Variants in NCKAP1 observed in about 807,000 individuals in gnomAD.
NCKAP1 encodes nck-associated protein 1.
NCKAP1 carries 21 observed loss-of-function variants against 151.2 expected under a neutral mutation model. The observed-to-expected ratio is 0.14, with a 90% CI of 0.10 to 0.20. The LOEUF (loss-of-function observed/expected upper bound fraction) is 0.20, where lower values mean the gene tolerates loss of function less well. NCKAP1 is among the 10% of genes least tolerant of loss of function. The pLI is 1.00. For missense variants in NCKAP1, 933 were observed against 1,352.1 expected (o/e 0.69, Z 4.86); for synonymous variants, 484 against 451.8 (o/e 1.07, Z -0.90).
chr2:183,014,143 T>C (rs1698640015), intron 2 of NCKAP1, among the ~76,000 whole-genome samples: 2 of 152,232 alleles, frequency 1.3e-5, no homozygotes, highest in African/African-American at 2.4e-5. Flanking sequence ...CAGAGACTTC[T>C]GTTTGTTCAC....
chr2:182,930,617 G>T, intron 27 of NCKAP1, 78 bp downstream of exon 27: 1 of 1,096,460 alleles, frequency 9.1e-7, no homozygotes. Context: ...TTGAATATAT[G>T]GTTAAATATC....
chr2:182,937,091 G>A (rs929434978), intron 24 of NCKAP1, among the ~76,000 whole-genome samples: 4 of 113,604 alleles, frequency 3.5e-5, no homozygotes, highest in African/African-American at 1.4e-4. Flanking sequence ...CTCGAGCCTA[G>A]GCAACAGAGC....
At position 182,948,099 on chromosome 2, in the gene NCKAP1, A is replaced by C. The variant is rs1278179947; in HGVS notation, c.2601+4306T>G. ...CCTTGTTTTGAAGAACTAAATGATG[A>C]AGGCACAATATTAAAAATATAAATA... On this transcript the variant is annotated intron_variant, in intron 23 of 30. Transcript: ENST00000361354. Among the ~76,000 whole-genome samples, 4 of 152,124 alleles carry C rather than the reference A, an allele frequency of 2.6e-5. No homozygotes were observed. The East Asian group carries it at 7.7e-4, about 29-fold the overall frequency.
intron 26 of NCKAP1, 101 bp from the exon 27 acceptor site, chr2:182,930,889 T>TCGGAAACTTGGCTGAAG: frequency 1.0e-6 from 1 of 1,001,046 alleles, no homozygotes; most frequent in South Asian, 1.5e-5. Context: ...CCAGAGAATT[T>TCGGAAACTTGGCTGAAG]CGGAAACTTG....
At chr2:182,992,934 T>G (rs1328425414) in intron 8 of NCKAP1, among the ~76,000 whole-genome samples, 1 of 152,184 alleles carries the variant, frequency 6.6e-6, no homozygotes, top group Non-Finnish European at 1.5e-5. Flanking sequence ...TTTCTGGTAA[T>G]TCTAGTAATT....
chr2:182,932,663 TG>T (rs951723198), intron 26 of NCKAP1, among the ~76,000 whole-genome samples: 8 of 151,864 alleles, frequency 5.3e-5, no homozygotes, highest in East Asian at 1.9e-4. Context: ...TGTTTTTTGT[TG>T]TTTTTTTTTT....
chr2:182,967,399 C>T, intron 15 of NCKAP1, 38 bp from the exon 16 acceptor site: 1 of 1,542,622 alleles, frequency 6.5e-7, no homozygotes, highest in South Asian at 1.2e-5. Context: ...TTCAGGTAAA[C>T]ATAAATGACT....
In NCKAP1 at chr2:182,995,853, A is replaced by G; in HGVS notation, c.604-15T>C. 6.3e-7 allele frequency: 1 copy of G among 1,588,966 alleles called. No individual in the cohort carries two copies. The highest frequency in any genetic ancestry group is 8.6e-7 in the Non-Finnish European group (1 of 1,158,730). On this transcript the variant is annotated splice_polypyrimidine_tract_variant and intron_variant, in intron 6 of 30. Transcript: ENST00000361354. ...TCTGAAAGAGACTAATTAAAATACGAAAAAAAAGCTGAAGAATAATTTTCT... is the reference window on the plus strand; with the variant it reads ...TCTGAAAGAGACTAATTAAAATACGGAAAAAAAGCTGAAGAATAATTTTCT...
intron 2 of NCKAP1, among the ~76,000 whole-genome samples, chr2:183,022,172 C>G (rs921237808): frequency 6.6e-6 from 1 of 152,082 alleles, no homozygotes; most frequent in Non-Finnish European, 1.5e-5. Flanking sequence ...TATTAAGGAA[C>G]GATGCATATT....
intron 20 of NCKAP1, among the ~76,000 whole-genome samples, chr2:182,954,351 C>T (rs1697280692): frequency 6.6e-6 from 1 of 152,172 alleles, no homozygotes. Context: ...TCTTATCCTA[C>T]ACTGACCACC....
chr2:183,027,681 C>T lies in NCKAP1; in HGVS notation c.109-3765G>A, dbSNP rs1343841610. ...ACCGGCCTGGGCAACATAGCAAGAT[C>T]CTATCTCTACAAAAAAATTTTTAAA... On this transcript the variant is annotated intron_variant, in intron 1 of 30. Transcript: ENST00000361354. Among the ~76,000 whole-genome samples the T allele has an allele frequency of 2.6e-5, 4 of 152,088 alleles. No individual in the cohort carries two copies. In the East Asian group the frequency reaches 7.7e-4, roughly 29 times the overall value.
intron 2 of NCKAP1, among the ~76,000 whole-genome samples, chr2:183,012,197 CAAT>C (rs1245302872): frequency 6.6e-6 from 1 of 151,362 alleles, no homozygotes; most frequent in African/African-American, 2.4e-5. Flanking sequence ...AAAAGGGTAA[CAAT>C]AAAAACAAAA....
Position 182,964,664 on chromosome 2 carries a change from C to A in NCKAP1, c.1761+12G>T. On this transcript the variant is annotated intron_variant, in intron 17 of 30. Transcript: ENST00000361354. ...GCATACCATATAACTCACAGTAGTA[C>A]ACTATAATTACCTCTTCTGGACATA... is the stretch of plus-strand genomic sequence containing the variant. 6.3e-7 allele frequency: 1 copy of A among 1,579,418 alleles called. No homozygotes were observed. The highest frequency in any genetic ancestry group is 8.6e-7 in the Non-Finnish European group (1 of 1,164,214).
intron 29 of NCKAP1, 42 bp from the exon 30 acceptor site, chr2:182,926,947 A>T: frequency 7.5e-7 from 1 of 1,341,390 alleles, no homozygotes; most frequent in Non-Finnish European, 1.1e-6. Context: ...TGTTAATAAA[A>T]GGTTCATCGG....
rs1159377005 is a variant in NCKAP1, at chr2:182,923,802, A to G, written c.*1900T>C. 6.6e-6 allele frequency: 1 copy of G among 152,204 alleles called. No homozygotes were observed. The highest frequency in any genetic ancestry group is 1.5e-5 in the Non-Finnish European group (1 of 68,036). The allele number at this position is 152,204 out of a possible 1,614,324, so 9.4% of individuals were successfully genotyped here. On this transcript the variant is annotated 3_prime_UTR_variant, in exon 31 of 31. Transcript: ENST00000361354. Reference sequence around the variant, plus strand: ...CAATTTACTTTTAACTTTTTCCTCCAAGTTACCTTTGCCACGCCTCCTCCC... The same window carrying G: ...CAATTTACTTTTAACTTTTTCCTCCGAGTTACCTTTGCCACGCCTCCTCCC...
intron 16 of NCKAP1, 89 bp downstream of exon 16, chr2:182,967,127 T>C (rs920488977): frequency 2.4e-6 from 3 of 1,247,736 alleles, no homozygotes; most frequent in Admixed American, 4.5e-5. Context: ...TGAACTGTCT[T>C]AAGGACTATG....
intron 20 of NCKAP1, among the ~76,000 whole-genome samples, chr2:182,955,504 C>T (rs1174136868): frequency 1.3e-5 from 2 of 152,058 alleles, no homozygotes; most frequent in Non-Finnish European, 2.9e-5. Context: ...CATATACATA[C>T]ATAAAATATA....
chr2:182,934,647 C>T (rs978449055), intron 26 of NCKAP1, 105 bp downstream of exon 26: 2 of 668,558 alleles, frequency 3.0e-6, no homozygotes, highest in African/African-American at 1.9e-5. Flanking sequence ...CCACTCTAAA[C>T]TAGAAACCTT....
chr2:183,014,241 G>A (rs558764692), intron 2 of NCKAP1, among the ~76,000 whole-genome samples: 1 of 152,142 alleles, frequency 6.6e-6, no homozygotes. Flanking sequence ...AATCAGTGGA[G>A]AATGTGATGG....
Sources: gnomAD v4.1 joint callset for allele counts (sites outside exome capture counted in the v4.1 genomes callset) on GRCh38, gnomAD v4.1.1 for gene constraint, MANE v1.5 for transcripts, NCBI Gene and HGNC (gene_info 2026-07-23, HGNC 2026-07-21) for gene names.